Variants in SON observed in about 807,000 individuals in gnomAD.
SON encodes protein SON.
SON carries 4 observed loss-of-function variants against 173.3 expected under a neutral mutation model. The ratio of observed to expected loss-of-function variants is 0.02; its 90% CI spans 0.01 to 0.05. SON has a LOEUF of 0.05. Among genes scored for constraint, SON ranks in the 10% least tolerant of loss-of-function variants. SON has a pLI of 1.00. For missense variants in SON, 2,626 were observed against 3,055.3 expected (o/e 0.86, Z 3.31); for synonymous variants, 1,190 against 1,105.9 (o/e 1.08, Z -1.51).
At chr21:33,562,954 G>A (rs573602252) in intron 6 of SON, among the ~76,000 whole-genome samples, 166 of 152,206 alleles carry the variant, frequency 1.1e-3, no homozygotes, top group Non-Finnish European at 2.1e-3. Flanking sequence ...AAGGTCTAGT[G>A]AATGCTTAGA....
At chr21:33,568,235 G>A (rs888589251) in intron 7 of SON, among the ~76,000 whole-genome samples, 1 of 152,242 alleles carries the variant, frequency 6.6e-6, no homozygotes, top group African/African-American at 2.4e-5. Flanking sequence ...GCTCACGCCT[G>A]TTATCCCAGC....
chr21:33,559,070 T>C lies in SON; in HGVS notation c.6322-160T>C, dbSNP rs1234935164. 9 of 492,514 alleles carry C rather than the reference T, an allele frequency of 1.8e-5. No homozygotes were observed. Among genetic ancestry groups the C allele is most frequent in the East Asian group, 3.5e-5 (1 of 28,512 alleles). 30.5% of individuals were successfully genotyped at this position (492,514 alleles called of 1,614,324 possible). A position where few individuals can be genotyped will look rare whatever the true frequency, so the allele number is the denominator to read the frequency against. On this transcript the variant is annotated intron_variant, in intron 4 of 11. Transcript: ENST00000356577. This position sits in a 1 kb window ranked among gnomAD's most constrained non-coding sequence, Gnocchi z 4.1. Reference sequence around the variant, plus strand: ...TTGTTGACTGACTGACCAGCCAGAGTGTGTTTAAATAGTAGTTAATATGCC... The same window carrying C: ...TTGTTGACTGACTGACCAGCCAGAGCGTGTTTAAATAGTAGTTAATATGCC...
At chr21:33,555,692 C>A (rs1055069876) in intron 3 of SON, among the ~76,000 whole-genome samples, 1 of 152,160 alleles carries the variant, frequency 6.6e-6, no homozygotes, top group Non-Finnish European at 1.5e-5. Flanking sequence ...AGATGTAGAA[C>A]TCTAGCTAAA....
chr21:33,550,943 A>C lies in SON; in HGVS notation c.1712A>C (p.Glu571Ala). ...PGQPSVTGVP[E>A]LPGLPSATRA... ...CAGCCTTCGGTGACTGGGGTGCCAG[A>C]GTTGCCAGGGCTGCCTTCGGCAACT... Residue 571 changes from glutamate (E) to alanine (A), a missense_variant, in exon 3 of 12, where the codon GAG becomes GCG. Physicochemically the swap from Glu to Ala is moderately radical, Grantham distance 107. Coordinates refer to ENST00000356577, the MANE Select transcript of SON (RefSeq NM_138927.4). The C allele has an allele frequency of 1.2e-6, 2 of 1,606,724 alleles. No homozygotes were observed. The highest frequency in any genetic ancestry group is 1.7e-6 in the Non-Finnish European group (2 of 1,174,538).
intron 2 of SON, 60 bp downstream of exon 2, chr21:33,546,439 AAG>A: frequency 7.3e-7 from 1 of 1,375,726 alleles, no homozygotes; most frequent in South Asian, 1.3e-5. Flanking sequence ...TTGAAATTTG[AAG>A]GTTAATGTTA....
chr21:33,543,428 TC>T, intron 1 of SON: 1 of 513,042 alleles, frequency 1.9e-6, no homozygotes, highest in South Asian at 2.1e-5. Flanking sequence ...TTCACCCTTC[TC>T]CCCTGTTTGG....
At chr21:33,563,922 T>C (rs983872255) in intron 6 of SON, among the ~76,000 whole-genome samples, 1 of 152,180 alleles carries the variant, frequency 6.6e-6, no homozygotes, top group Non-Finnish European at 1.5e-5. Context: ...AGATTTGTAA[T>C]TCAGGACACT....
intron 8 of SON, 21 bp downstream of exon 8, chr21:33,569,108 T>C (rs370267380): frequency 3.2e-4 from 449 of 1,384,480 alleles, no homozygotes; most frequent in Non-Finnish European, 3.9e-4. Context: ...TATGCACATA[T>C]GAAAGTGTCG....
Position 33,555,030 on chromosome 21 carries a change from T to G in SON, c.5799T>G (p.Thr1933=). 1 of 1,613,002 alleles carries G rather than the reference T, an allele frequency of 6.2e-7. No homozygotes were observed. Among genetic ancestry groups the G allele is most frequent in the Non-Finnish European group, 8.5e-7 (1 of 1,179,942 alleles). Reference sequence around the variant, plus strand: ...CAAGTCGTCGGAGTCGGAGTCATACTCCAAGTCGTCGACGAAGGTCTAGAT... The same window carrying G: ...CAAGTCGTCGGAGTCGGAGTCATACGCCAAGTCGTCGACGAAGGTCTAGAT... The part of the protein sequence containing the change: ...RTPSRRSRSH[T]PSRRRRSRSV... Residue 1933 remains threonine, a synonymous_variant, in exon 3 of 12, where the codon ACT becomes ACG. Transcript: ENST00000356577.
rs138515548 is a variant in SON at position 33,553,392 on chromosome 21, G to T, written c.4161G>T (p.Ser1387=). Reference sequence around the variant, plus strand: ...CGACTGTAACTGTCCTGGAGCCTTCGGTTGTGACTGTCCCGGAGCCTCCTG... The same window carrying T: ...CGACTGTAACTGTCCTGGAGCCTTCTGTTGTGACTGTCCCGGAGCCTCCTG... ...ESSTVTVLEP[S]VVTVPEPPVV... The change falls in exon 3 of 12, where the codon TCG becomes TCT. Residue 1387 remains serine (S), a synonymous_variant. Coordinates refer to ENST00000356577, the MANE Select transcript of SON (RefSeq NM_138927.4). The T allele has an allele frequency of 6.2e-7, 1 of 1,613,638 alleles. No individual in the cohort carries two copies. Among genetic ancestry groups the T allele is most frequent in the South Asian group, 1.1e-5 (1 of 91,034 alleles).
intron 7 of SON, among the ~76,000 whole-genome samples, chr21:33,567,686 G>A (rs1434871927): frequency 6.6e-6 from 1 of 152,152 alleles, no homozygotes; most frequent in Non-Finnish European, 1.5e-5. Context: ...GGGAGGCCGA[G>A]GTGGGGGCAA....
chr21:33,568,540 C>T (rs1041154821), intron 7 of SON, among the ~76,000 whole-genome samples: 3 of 152,162 alleles, frequency 2.0e-5, no homozygotes, highest in Non-Finnish European at 4.4e-5. Context: ...CAGTTTCCTA[C>T]ATTTAAACTC....
chr21:33,543,326 G>T, intron 1 of SON, 157 bp downstream of exon 1: 1 of 524,742 alleles, frequency 1.9e-6, no homozygotes, highest in Non-Finnish European at 3.2e-6. Context: ...CCCCCCAACC[G>T]CCCCCCCAGC....
intron 1 of SON, among the ~76,000 whole-genome samples, chr21:33,543,911 T>C (rs1339268827): frequency 6.6e-6 from 1 of 152,254 alleles, no homozygotes; most frequent in Non-Finnish European, 1.5e-5. Flanking sequence ...TTGTCATTGC[T>C]GGTAGACTTT....
At position 33,551,486 on chromosome 21, in the gene SON, A is replaced by G. The variant is rs752828903; in HGVS notation, c.2255A>G (p.Asp752Gly). 7 of 1,614,070 alleles carry G rather than the reference A, an allele frequency of 4.3e-6. No homozygotes were observed. The Admixed American group carries it at 1.2e-4, about 27-fold the overall frequency. Residue 752 changes from aspartate to glycine, a missense_variant, in exon 3 of 12, where the codon GAC becomes GGC. Asp to Gly is a moderately conservative substitution (Grantham distance 94). Transcript: ENST00000356577. ...CAGATGCTAGCATCCAACACCATGGACTCCCAGATGTTAGCGTCTAGCACC... is the reference window on the plus strand; with the variant it reads ...CAGATGCTAGCATCCAACACCATGGGCTCCCAGATGTTAGCGTCTAGCACC... ...DSQMLASNTM[D>G]SQMLASSTMD...
At chr21:33,545,317 A>G (rs187398200) in intron 1 of SON, among the ~76,000 whole-genome samples, 3 of 152,214 alleles carry the variant, frequency 2.0e-5, no homozygotes, top group African/African-American at 7.2e-5. Flanking sequence ...AGAAAGCCAG[A>G]TGTTCCTTAA....
rs763315236 is a variant in SON at position 33,575,772 on chromosome 21, CT to C, written c.7106-5del. On this transcript the variant is annotated splice_region_variant and splice_polypyrimidine_tract_variant and intron_variant, in intron 10 of 11. Coordinates refer to ENST00000356577, the MANE Select transcript of SON (RefSeq NM_138927.4). ...ATTTAAAACTGGGTATTTCTCCCCC[CT>C]GCAGGCAAACATCCTGTGTCTGCTT... 2 of 1,591,608 alleles carry C rather than the reference CT, an allele frequency of 1.3e-6. No homozygotes were observed. Among genetic ancestry groups the C allele is most frequent in the Admixed American group, 3.4e-5 (2 of 59,212 alleles).
At position 33,552,077 on chromosome 21, in the gene SON, A is replaced by G; in HGVS notation, c.2846A>G (p.Tyr949Cys). ...HDAYRLGQDP[Y>C]RLGHDPYRLT... The stretch of plus-strand genomic sequence containing the variant: ...GCTTACAGGTTAGGACAAGACCCTT[A>G]TAGATTAGGCCATGATCCCTACAGA... The change falls in exon 3 of 12, where the codon TAT becomes TGT. Residue 949 changes from tyrosine to cysteine, a missense_variant. Coordinates refer to ENST00000356577, the MANE Select transcript of SON (RefSeq NM_138927.4). This position sits in a 1 kb window ranked among gnomAD's most constrained non-coding sequence, Gnocchi z 5.6. 1.9e-6 allele frequency: 3 copies of G among 1,614,044 alleles called. No homozygotes were observed. The highest frequency in any genetic ancestry group is 2.2e-5 in the East Asian group (1 of 44,878).
chr21:33,543,326 G>A, intron 1 of SON, 157 bp downstream of exon 1: 1 of 524,742 alleles, frequency 1.9e-6, no homozygotes, highest in Non-Finnish European at 3.2e-6. Context: ...CCCCCCAACC[G>A]CCCCCCCAGC....
Sources: allele counts gnomAD v4.1 joint callset (sites outside exome capture counted in the v4.1 genomes callset), GRCh38; gene constraint gnomAD v4.1.1; non-coding constraint Gnocchi (gnomAD v3.1); transcripts MANE v1.5; gene names NCBI Gene and HGNC (gene_info 2026-07-23, HGNC 2026-07-21).